Variants in GRIN2B observed in about 807,000 individuals in gnomAD.
GRIN2B encodes glutamate ionotropic receptor NMDA type subunit 2B, also known as glutamate receptor ionotropic, NMDA 2B.
GRIN2B carries 5 observed loss-of-function variants against 114.5 expected under a neutral mutation model. The ratio of observed to expected loss-of-function variants is 0.04; its 90% confidence interval spans 0.02 to 0.09. GRIN2B has a LOEUF of 0.09. Among genes scored for constraint, GRIN2B ranks in the 10% least tolerant of loss-of-function variants. The pLI, the probability that GRIN2B is intolerant of heterozygous loss-of-function variation, is 1.00. For synonymous variants in GRIN2B, 787 were observed against 745.1 expected (o/e 1.06, Z -0.92); for missense variants, 1,108 against 1,943.5 (o/e 0.57, Z 8.08).
Position 13,539,725 on chromosome 12 carries a change from C to T in GRIN2B, c.*23058G>A, listed in dbSNP as rs557903370. The T allele has an allele frequency of 6.6e-6, 1 of 152,228 alleles. No homozygotes were observed. The highest frequency in any genetic ancestry group is 1.5e-5 in the Non-Finnish European group (1 of 68,008). The allele number at this position is 152,228 out of a possible 1,614,324, so 9.4% of individuals were successfully genotyped here. A position where few individuals can be genotyped will look rare whatever the true frequency, so the allele number is the denominator to read the frequency against. On this transcript the variant is annotated 3_prime_UTR_variant, in exon 14 of 14. Transcript: ENST00000609686. ...AGGATAAAGTGCTCTATTCCTTTAA[C>T]AAGTATATGTCAAGAAAAAGTTAGA... is the stretch of plus-strand genomic sequence containing the variant.
At chr12:13,626,134 G>A (rs1479744170) in intron 5 of GRIN2B, among the ~76,000 whole-genome samples, 2 of 152,114 alleles carry the variant, frequency 1.3e-5, no homozygotes, top group African/African-American at 4.8e-5. Flanking sequence ...CTCCTTTGAT[G>A]TGCCTTCCTC....
At chr12:13,605,551 T>TCTCTCTCTCTCTCTCTCTCACACA in intron 10 of GRIN2B, among the ~76,000 whole-genome samples, 3 of 30,446 alleles carry the variant, frequency 9.9e-5, no homozygotes, top group Non-Finnish European at 1.5e-4. Context: ...TCTCTCTCTC[T>TCTCTCTCTCTCTCTCTCTCACACA]GACACACACA....
At chr12:13,669,830 T>C (rs1289936910) in intron 5 of GRIN2B, among the ~76,000 whole-genome samples, 2 of 152,076 alleles carry the variant, frequency 1.3e-5, no homozygotes, top group Non-Finnish European at 2.9e-5. Flanking sequence ...ACCTCTATTG[T>C]ATAAACACTG....
chr12:13,801,803 A>G (rs220568), intron 3 of GRIN2B, among the ~76,000 whole-genome samples: 61,224 of 151,872 alleles, frequency 0.4, 12,706 homozygotes, highest in East Asian at 0.55. Context: ...TCATTTACTC[A>G]CTGTCTTACA....
chr12:13,893,940 CAA>C (rs1433938735), intron 2 of GRIN2B, among the ~76,000 whole-genome samples: 1 of 151,868 alleles, frequency 6.6e-6, no homozygotes, highest in African/African-American at 2.4e-5. Flanking sequence ...AGAAAATTCA[CAA>C]AAGAGAAACC....
chr12:13,572,047 G>A, intron 10 of GRIN2B, 83 bp from the exon 11 acceptor site: 1 of 1,108,870 alleles, frequency 9.0e-7, no homozygotes, highest in Non-Finnish European at 1.3e-6. Context: ...AATGTGAAGA[G>A]ACATTAAGTA....
intron 3 of GRIN2B, among the ~76,000 whole-genome samples, chr12:13,769,515 T>C (rs2136644359): frequency 6.6e-6 from 1 of 152,270 alleles, no homozygotes; most frequent in East Asian, 1.9e-4. Context: ...TGTTCTTTCA[T>C]CTATCCAGCC....
At chr12:13,694,988 G>T (rs1391340806) in intron 4 of GRIN2B, among the ~76,000 whole-genome samples, 1 of 151,870 alleles carries the variant, frequency 6.6e-6, no homozygotes, top group Non-Finnish European at 1.5e-5. Flanking sequence ...CTTTAGAAGT[G>T]ACAGACTCTG....
intron 3 of GRIN2B, among the ~76,000 whole-genome samples, chr12:13,829,733 A>G (rs2136701630): frequency 6.6e-6 from 1 of 152,338 alleles, no homozygotes; most frequent in South Asian, 2.1e-4. Flanking sequence ...AGGTTCAGAA[A>G]ACCTTTCTTT....
At chr12:13,567,996 G>A (rs985449067) in intron 12 of GRIN2B, among the ~76,000 whole-genome samples, 1 of 151,926 alleles carries the variant, frequency 6.6e-6, no homozygotes, top group African/African-American at 2.4e-5. Flanking sequence ...CAAGCAGAGA[G>A]AGATGGGCAG....
chr12:13,928,860 C>T (rs1284495317), intron 2 of GRIN2B, among the ~76,000 whole-genome samples: 1 of 152,342 alleles, frequency 6.6e-6, no homozygotes, highest in Non-Finnish European at 1.5e-5. Context: ...TAAACATACA[C>T]ATCAGGTACT....
rs542275996 is a variant in GRIN2B, at chr12:13,606,031, C to A, written c.2010+2572G>T. On this transcript the variant is annotated intron_variant, in intron 10 of 13. Coordinates refer to ENST00000609686, the MANE Select transcript of GRIN2B (RefSeq NM_000834.5). The stretch of plus-strand genomic sequence containing the variant: ...TGCATGGTGACATGGCCCTGCTATA[C>A]TCTGTGTGGTACATAGTCTACTACC... Among the ~76,000 whole-genome samples, 4 of 152,172 alleles carry A rather than the reference C, an allele frequency of 2.6e-5. 1 individual carries two copies. The South Asian group carries it at 8.3e-4, about 32-fold the overall frequency.
rs1203932242 is a variant in GRIN2B, at chr12:13,562,474, C to T, written c.*309G>A. On this transcript the variant is annotated 3_prime_UTR_variant, in exon 14 of 14. Coordinates refer to ENST00000609686, the MANE Select transcript of GRIN2B (RefSeq NM_000834.5). ...GGAGCTCTTCCACACCAGGAGGAAG[C>T]CCGCATGCAGCCCTTCCTTTCTCCG... 2.7e-6 allele frequency: 1 copy of T among 370,616 alleles called. No homozygotes were observed. Among genetic ancestry groups the T allele is most frequent in the Non-Finnish European group, 4.9e-6 (1 of 202,508 alleles). The allele number at this position is 370,616 out of a possible 1,614,324, so 23.0% of individuals were successfully genotyped here.
At chr12:13,594,297 G>A (rs1335349040) in intron 10 of GRIN2B, among the ~76,000 whole-genome samples, 1 of 152,104 alleles carries the variant, frequency 6.6e-6, no homozygotes, top group East Asian at 1.9e-4. Context: ...ATGATAGACT[G>A]GATTAAGAAC....
At chr12:13,670,165 T>G (rs1950010414) in intron 5 of GRIN2B, 1 of 152,134 alleles carries the variant, frequency 6.6e-6, no homozygotes, top group Non-Finnish European at 1.5e-5. Context: ...TCTCCTTTAC[T>G]GGTGGATGTG....
intron 5 of GRIN2B, among the ~76,000 whole-genome samples, chr12:13,638,118 A>G (rs1209564496): frequency 6.6e-6 from 1 of 152,176 alleles, no homozygotes; most frequent in East Asian, 1.9e-4. Context: ...AGCCAAAGAC[A>G]ACATAAGAGA....
At chr12:13,903,851 TTGA>T (rs1866497319) in intron 2 of GRIN2B, among the ~76,000 whole-genome samples, 1 of 152,050 alleles carries the variant, frequency 6.6e-6, no homozygotes, top group Non-Finnish European at 1.5e-5. Context: ...ACTGTTAACT[TTGA>T]TATTATATAC....
intron 13 of GRIN2B, 81 bp downstream of exon 13, chr12:13,566,944 C>T: frequency 2.1e-6 from 2 of 931,870 alleles, no homozygotes. Context: ...GAGATAGTGT[C>T]CTCTTGGTTC....
chr12:13,684,712 C>A (rs1386934067), intron 4 of GRIN2B, among the ~76,000 whole-genome samples: 1 of 152,082 alleles, frequency 6.6e-6, no homozygotes, highest in Non-Finnish European at 1.5e-5. Context: ...AATAAAATTC[C>A]TTTCTTCTTC....
Sources: allele counts gnomAD v4.1 joint callset (sites outside exome capture counted in the v4.1 genomes callset), GRCh38; gene constraint gnomAD v4.1.1; transcripts MANE v1.5; gene names NCBI Gene and HGNC (gene_info 2026-07-23, HGNC 2026-07-21).